The following POU2F2 variants were observed in gnomAD, a reference collection of about 807,000 sequenced individuals.
POU2F2 encodes POU domain, class 2, transcription factor 2.
POU2F2 carries 14 observed loss-of-function variants against 63.5 expected under a neutral mutation model. The observed-to-expected ratio is 0.22, with a 90% CI of 0.15 to 0.34. POU2F2 has a LOEUF of 0.34. Ranked by LOEUF, POU2F2 falls within the 10% of genes least tolerant of loss-of-function variation. The pLI is 1.00. For missense variants in POU2F2, 607 were observed against 815.2 expected, an observed-to-expected ratio of 0.74 and a Z score of 3.11; for synonymous variants, 306 against 348.6, an observed-to-expected ratio of 0.88 and a Z score of 1.36.
chr19:42,120,884 C>T (rs996790003), intron 4 of POU2F2, among the ~76,000 whole-genome samples: 3 of 152,058 alleles, frequency 2.0e-5, no homozygotes, highest in Admixed American at 6.6e-5. Flanking sequence ...TAAATAGTTG[C>T]GCACAGTGGT....
chr19:42,097,416 C>T (rs931048895), intron 7 of POU2F2, among the ~76,000 whole-genome samples: 16 of 151,540 alleles, frequency 1.1e-4, no homozygotes, highest in Admixed American at 2.0e-4. Context: ...AGGCTGGTCT[C>T]GAACTCCCGA....
intron 5 of POU2F2, among the ~76,000 whole-genome samples, chr19:42,107,647 T>A (rs1445253120): frequency 6.6e-6 from 1 of 152,214 alleles, no homozygotes; most frequent in Non-Finnish European, 1.5e-5. Flanking sequence ...GGACATGCTA[T>A]GGTTTGGTCA....
intron 1 of POU2F2, among the ~76,000 whole-genome samples, chr19:42,181,338 C>T (rs1195536213): frequency 2.0e-5 from 3 of 152,178 alleles, no homozygotes; most frequent in Non-Finnish European, 4.4e-5. Flanking sequence ...CCAGAAGTAC[C>T]AGATTCCTCT....
chr19:42,130,577 G>C (rs905504420), intron 1 of POU2F2, among the ~76,000 whole-genome samples: 2 of 151,986 alleles, frequency 1.3e-5, no homozygotes, highest in Non-Finnish European at 2.9e-5. Context: ...AGAGAGGAAC[G>C]AGTCAGTGGG....
chr19:42,141,555 C>T (rs2034128026), intron 2 of POU2F2, among the ~76,000 whole-genome samples: 1 of 143,920 alleles, frequency 6.9e-6, no homozygotes, highest in South Asian at 2.2e-4. Flanking sequence ...AATCTTGGCT[C>T]ACTACAACCT....
At chr19:42,103,733 C>T (rs1047953057) in intron 5 of POU2F2, among the ~76,000 whole-genome samples, 2 of 149,046 alleles carry the variant, frequency 1.3e-5, no homozygotes, top group South Asian at 2.1e-4. Flanking sequence ...CCCAGGTTCA[C>T]GCCATTCTCC....
At chr19:42,191,202 AC>A (rs749866434) in intron 1 of POU2F2, among the ~76,000 whole-genome samples, 1 of 151,202 alleles carries the variant, frequency 6.6e-6, no homozygotes, top group Non-Finnish European at 1.5e-5. Flanking sequence ...GCATCATCGG[AC>A]CCCCCCTTGC....
Position 42,092,058 on chromosome 19 carries a change from C to T in POU2F2, c.1466+11G>A. On this transcript the variant is annotated intron_variant, in intron 13 of 14. Transcript: ENST00000692977. The surrounding 1 kb of genome is among the most constrained non-coding windows in gnomAD (Gnocchi z 5.0). ...GCTTCTCCCCACAGCTTCCCACGTG[C>T]ACCCACTTACCCCGTGCTGGGGTTC... The T allele has an allele frequency of 1.3e-6, 2 of 1,593,128 alleles. No individual in the cohort carries two copies. Among genetic ancestry groups the T allele is most frequent in the African/African-American group, 1.3e-5 (1 of 74,888 alleles).
rs114581766 is a variant in POU2F2 at position 42,168,283 on chromosome 19, G to A, written c.-70+7680C>T. 2.1e-3 allele frequency among the ~76,000 whole-genome samples: 319 copies of A among 152,256 alleles called. 1 individual carries two copies. Among genetic ancestry groups the A allele is most frequent in the African/African-American group, 7.3e-3 (304 of 41,556 alleles). On this transcript the variant is annotated intron_variant, in intron 1 of 6. Transcript: ENST00000524801. ...ACGAGGCTCAGAGAGATCAGACTTG[G>A]TACCTGGCTCACATGCTCTGTCTAG...
chr19:42,123,490 A>C (rs193118795), intron 1 of POU2F2, among the ~76,000 whole-genome samples: 1 of 152,298 alleles, frequency 6.6e-6, no homozygotes, highest in Non-Finnish European at 1.5e-5. Context: ...AGAGCTAGAT[A>C]TGACTCACAG....
rs143427382 is a variant in POU2F2 at position 42,156,760 on chromosome 19, G to GC, written c.-9+3571dup. 14,167 of 151,658 alleles carry GC rather than the reference G, an allele frequency of 0.093. 894 individuals carry two copies. The highest frequency in any genetic ancestry group is 0.2 in the Middle Eastern group (58 of 288). 9.4% of individuals were successfully genotyped at this position (151,658 alleles called of 1,614,324 possible). A position where few individuals can be genotyped will look rare whatever the true frequency, so the allele number is the denominator to read the frequency against. Reference sequence around the variant, plus strand: ...GGCCTGCGCCTCCCATCCCAGGGCAGCCCCCCCGCCATACCTACACTCTTG... The same window carrying GC: ...GGCCTGCGCCTCCCATCCCAGGGCAGCCCCCCCCGCCATACCTACACTCTTG... On this transcript the variant is annotated intron_variant, in intron 2 of 6. Coordinates refer to the POU2F2 transcript ENST00000524801. This position sits in a 1 kb window ranked among gnomAD's most constrained non-coding sequence, Gnocchi z 4.1.
chr19:42,147,193 CA>C (rs1292017264), intron 2 of POU2F2, among the ~76,000 whole-genome samples: 1 of 152,172 alleles, frequency 6.6e-6, no homozygotes, highest in African/African-American at 2.4e-5. Flanking sequence ...CCCCTGCTGA[CA>C]CCTCTCATCT....
chr19:42,186,705 A>G (rs1403467145), intron 1 of POU2F2, among the ~76,000 whole-genome samples: 8 of 152,168 alleles, frequency 5.3e-5, no homozygotes, highest in Admixed American at 5.2e-4. Context: ...TGACATTGGT[A>G]TCAGGGACAT....
chr19:42,163,124 C>A (rs992260460), intron 1 of POU2F2, among the ~76,000 whole-genome samples: 1 of 152,104 alleles, frequency 6.6e-6, no homozygotes, highest in Non-Finnish European at 1.5e-5. Context: ...CAAACAAGAT[C>A]TAACGACTAT....
chr19:42,170,054 T>C (rs2146799875), intron 1 of POU2F2, among the ~76,000 whole-genome samples: 1 of 152,042 alleles, frequency 6.6e-6, no homozygotes, highest in Middle Eastern at 3.4e-3. Context: ...TTGGGGCTGC[T>C]GTGCTCAAAG....
upstream of POU2F2, among the ~76,000 whole-genome samples, chr19:42,136,351 G>A (rs2034012018): frequency 6.6e-6 from 1 of 151,576 alleles, no homozygotes; most frequent in South Asian, 2.1e-4. Context: ...CATCCAGCTA[G>A]TTTTGTATTT....
chr19:42,140,393 G>A (rs2034103827), intron 2 of POU2F2, among the ~76,000 whole-genome samples: 1 of 152,236 alleles, frequency 6.6e-6, no homozygotes, highest in Admixed American at 6.5e-5. Context: ...CTCCAGTCCT[G>A]CTGCCCCCAG....
chr19:42,101,958 C>G (rs2077159426), intron 5 of POU2F2, among the ~76,000 whole-genome samples: 1 of 145,352 alleles, frequency 6.9e-6, no homozygotes, highest in Non-Finnish European at 1.5e-5. Context: ...GCTCGGGCAA[C>G]AGTATGAGAC....
rs367588611 is a variant in POU2F2 at position 42,191,684 on chromosome 19, A to G, written c.-70+4699T>C. ...GGGGTCTGGCAGACTGGCAGAAAACAGAGGGATCAAGGGAGTAGAGCTCTC... is the reference window on the plus strand; with the variant it reads ...GGGGTCTGGCAGACTGGCAGAAAACGGAGGGATCAAGGGAGTAGAGCTCTC... On this transcript the variant is annotated intron_variant, in intron 1 of 5. Coordinates refer to the POU2F2 transcript ENST00000532176. Among the ~76,000 whole-genome samples, 3 of 152,350 alleles carry G rather than the reference A, an allele frequency of 2.0e-5. No homozygotes were observed. The South Asian group carries it at 6.2e-4, about 32-fold the overall frequency.
Sources: allele counts gnomAD v4.1 joint callset (sites outside exome capture counted in the v4.1 genomes callset), GRCh38; gene constraint gnomAD v4.1.1; non-coding constraint Gnocchi (gnomAD v3.1); transcripts MANE v1.5; gene names NCBI Gene and HGNC (gene_info 2026-07-23, HGNC 2026-07-21).